The following CDH12 variants were observed in gnomAD, a reference collection of about 807,000 sequenced individuals.
CDH12 encodes cadherin-12.
CDH12 carries 41 observed loss-of-function variants against 74.1 expected under a neutral mutation model. That is an observed-to-expected ratio of 0.55 (90% CI 0.43 to 0.72). The LOEUF is 0.72. CDH12 is among the 30% of genes least tolerant of loss of function. The pLI is 0.00. For synonymous variants in CDH12, 399 were observed against 355.0 expected (o/e 1.12, Z -1.39); for missense variants, 945 against 977.2 (o/e 0.97, Z 0.44).
intron 4 of CDH12, among the ~76,000 whole-genome samples, chr5:22,203,187 C>T (rs1338626193): frequency 6.6e-6 from 1 of 152,128 alleles, no homozygotes; most frequent in Non-Finnish European, 1.5e-5. Context: ...CAATGGAATA[C>T]TAGAACTTAT....
chr5:22,303,810 C>A lies in CDH12; in HGVS notation c.-332-91167G>T, dbSNP rs559882497. Among the ~76,000 whole-genome samples the A allele has an allele frequency of 2.2e-4, 34 of 152,220 alleles. No homozygotes were observed. In the South Asian group the frequency reaches 6.8e-3, roughly 31 times the overall value. ...AGAATTCAAAGTAGAGAGCAGTAGG[C>A]TACCCTATCAAAGTCTCAGAGAAAA... On this transcript the variant is annotated intron_variant, in intron 3 of 14. Transcript: ENST00000382254.
chr5:22,234,916 A>C (rs942114276), intron 3 of CDH12, among the ~76,000 whole-genome samples: 3 of 152,112 alleles, frequency 2.0e-5, no homozygotes, highest in Admixed American at 2.0e-4. Context: ...TTTTTACTAA[A>C]CAAATGTTTG....
At chr5:22,629,803 A>T (rs1738488686) in intron 1 of CDH12, among the ~76,000 whole-genome samples, 1 of 152,082 alleles carries the variant, frequency 6.6e-6, no homozygotes, top group African/African-American at 2.4e-5. Flanking sequence ...TCCAAATAGG[A>T]AGGGAAGTCA....
At chr5:22,245,843 G>T (rs1752926142) in intron 3 of CDH12, among the ~76,000 whole-genome samples, 1 of 152,028 alleles carries the variant, frequency 6.6e-6, no homozygotes, top group South Asian at 2.1e-4. Context: ...CCACACCAGA[G>T]AAATTGCCCA....
chr5:22,205,986 T>A (rs4489029), intron 4 of CDH12, among the ~76,000 whole-genome samples: 12,781 of 151,758 alleles, frequency 0.084, 997 homozygotes, highest in African/African-American at 0.21. Context: ...CAAAATTTTA[T>A]ATTATATATT....
chr5:22,511,921 T>C (rs975794565), intron 1 of CDH12, among the ~76,000 whole-genome samples: 2 of 150,250 alleles, frequency 1.3e-5, no homozygotes, highest in Non-Finnish European at 1.5e-5. Flanking sequence ...TGGAAAATAT[T>C]TGTAACTATG....
chr5:22,208,825 G>A (rs1580404360), intron 4 of CDH12, among the ~76,000 whole-genome samples: 2 of 152,224 alleles, frequency 1.3e-5, no homozygotes, highest in East Asian at 3.9e-4. Context: ...CTACAATATT[G>A]TCCTTTATAG....
At chr5:22,701,330 C>T (rs895189897) in intron 1 of CDH12, among the ~76,000 whole-genome samples, 1 of 152,000 alleles carries the variant, frequency 6.6e-6, no homozygotes, top group African/African-American at 2.4e-5. Context: ...CTGAATTATC[C>T]TAATGTTCTC....
chr5:22,192,607 A>G (rs937848563), intron 4 of CDH12, among the ~76,000 whole-genome samples: 2 of 152,026 alleles, frequency 1.3e-5, no homozygotes, highest in African/African-American at 4.8e-5. Context: ...ACATTTGTGC[A>G]CACAGGCTTA....
chr5:22,697,940 A>T (rs544071611), intron 1 of CDH12, among the ~76,000 whole-genome samples: 5 of 152,138 alleles, frequency 3.3e-5, no homozygotes, highest in Non-Finnish European at 4.4e-5. Flanking sequence ...ATCACCAGAA[A>T]CCAGTCTTTG....
At chr5:22,793,753 G>GT (rs11343348) in intron 1 of CDH12, among the ~76,000 whole-genome samples, 8,491 of 138,284 alleles carry the variant, frequency 0.061, 340 homozygotes, top group East Asian at 0.2. Flanking sequence ...CTCTTTAACT[G>GT]TTTTTTTTTT....
intron 2 of CDH12, among the ~76,000 whole-genome samples, chr5:22,481,446 A>G (rs1469233549): frequency 6.6e-6 from 1 of 152,220 alleles, no homozygotes; most frequent in Non-Finnish European, 1.5e-5. Context: ...ACAGAAAACA[A>G]TCTAAATCAA....
chr5:22,531,182 G>C (rs1737566659), intron 1 of CDH12, among the ~76,000 whole-genome samples: 1 of 152,086 alleles, frequency 6.6e-6, no homozygotes, highest in South Asian at 2.1e-4. Context: ...AATAATTGCA[G>C]CACAATTTAA....
intron 5 of CDH12, among the ~76,000 whole-genome samples, chr5:22,059,029 A>G (rs1740967444): frequency 6.6e-6 from 1 of 152,148 alleles, no homozygotes; most frequent in Non-Finnish European, 1.5e-5. Context: ...CTGTAGACAT[A>G]AGAAAAACAT....
intron 6 of CDH12, among the ~76,000 whole-genome samples, chr5:21,881,161 G>A (rs187630097): frequency 2.2e-4 from 34 of 152,158 alleles, no homozygotes; most frequent in South Asian, 1.9e-3. Context: ...CTGAAATGTA[G>A]TATTCTAAAA....
intron 5 of CDH12, among the ~76,000 whole-genome samples, chr5:22,006,012 T>C (rs1415059733): frequency 1.3e-5 from 2 of 152,138 alleles, no homozygotes; most frequent in African/African-American, 4.8e-5. Context: ...CTACTAAAGC[T>C]TTTTATCATT....
Position 21,823,680 on chromosome 5 carries a change from ACTGTC to A in CDH12, c.815-6553_815-6549del, listed in dbSNP as rs572093856. ...TGTGACTTCTATTTTGAACTGATCT[ACTGTC>A]CTTAAATATCTGCTTAAGTACTCCC... On this transcript the variant is annotated intron_variant, in intron 8 of 14. Coordinates refer to ENST00000382254, the MANE Select transcript of CDH12 (RefSeq NM_004061.5). Among the ~76,000 whole-genome samples, 507 of 152,206 alleles carry A rather than the reference ACTGTC, an allele frequency of 3.3e-3. 2 individuals are homozygous for A. Among genetic ancestry groups the A allele is most frequent in the African/African-American group, 0.011 (467 of 41,538 alleles).
At chr5:21,844,898 A>T (rs1750073418) in intron 7 of CDH12, among the ~76,000 whole-genome samples, 1 of 152,132 alleles carries the variant, frequency 6.6e-6, no homozygotes, top group African/African-American at 2.4e-5. Flanking sequence ...ATGCAACTAC[A>T]ATTTCGAAGA....
chr5:22,719,077 G>C (rs1315071136), intron 1 of CDH12, among the ~76,000 whole-genome samples: 1 of 152,188 alleles, frequency 6.6e-6, no homozygotes, highest in Non-Finnish European at 1.5e-5. Flanking sequence ...CTAGTCTGAG[G>C]TAGAAGTGGT....
Sources: gnomAD v4.1 joint callset for allele counts (sites outside exome capture counted in the v4.1 genomes callset) on GRCh38, gnomAD v4.1.1 for gene constraint, MANE v1.5 for transcripts, NCBI Gene and HGNC (gene_info 2026-07-23, HGNC 2026-07-21) for gene names.